Variants in RHOT1 observed in about 807,000 individuals in gnomAD.
RHOT1 encodes ras homolog family member T1, also known as mitochondrial Rho GTPase 1.
Under a neutral mutation model 95.3 loss-of-function variants are expected in RHOT1, and 27 were observed. The observed-to-expected ratio is 0.28, with a 90% CI of 0.21 to 0.39. The LOEUF (loss-of-function observed/expected upper bound fraction) is 0.39, where lower values mean the gene tolerates loss of function less well. RHOT1 is among the 10% of genes least tolerant of loss of function. RHOT1 has a pLI of 1.00. For synonymous variants in RHOT1, 227 were observed against 263.5 expected, an observed-to-expected ratio of 0.86 and a Z score of 1.34; for missense variants, 578 against 786.7, an observed-to-expected ratio of 0.73 and a Z score of 3.17.
At position 32,207,037 on chromosome 17, in the gene RHOT1, G is replaced by A. The variant is rs2037806872; in HGVS notation, c.1536+8G>A. 4 of 1,605,692 alleles carry A rather than the reference G, an allele frequency of 2.5e-6. No individual in the cohort carries two copies. In the African/African-American group the frequency reaches 5.4e-5, roughly 22 times the overall value. Reference sequence around the variant, plus strand: ...TGTGCCAGGATTTTTAAGGTTTGTTGCTCCTACAGACTATGACTGAATGTA... The same window carrying A: ...TGTGCCAGGATTTTTAAGGTTTGTTACTCCTACAGACTATGACTGAATGTA... On this transcript the variant is annotated splice_region_variant and intron_variant, in intron 17 of 19. Coordinates refer to ENST00000545287, the MANE Select transcript of RHOT1 (RefSeq NM_001033566.3).
intron 11 of RHOT1, among the ~76,000 whole-genome samples, chr17:32,197,412 T>G (rs1445139319): frequency 1.3e-5 from 2 of 149,762 alleles, no homozygotes; most frequent in African/African-American, 5.0e-5. Flanking sequence ...TTTTTCTTCT[T>G]TTTTCTTATT....
At chr17:32,221,040 T>C in intron 19 of RHOT1, 2 of 980,898 alleles carry the variant, frequency 2.0e-6, no homozygotes, top group Non-Finnish European at 2.4e-6. Flanking sequence ...TGCTTTTGAA[T>C]TGTGGAAGAA....
intron 11 of RHOT1, among the ~76,000 whole-genome samples, chr17:32,197,706 G>A (rs370567818): frequency 6.6e-6 from 1 of 152,144 alleles, no homozygotes; most frequent in East Asian, 1.9e-4. Context: ...GGGATTACAG[G>A]CGTGAGCCAC....
intron 12 of RHOT1, 62 bp downstream of exon 12, chr17:32,199,093 A>G: frequency 3.2e-6 from 4 of 1,262,954 alleles, no homozygotes; most frequent in Non-Finnish European, 4.6e-6. Flanking sequence ...GGATGATATA[A>G]CTCTGTTCCC....
chr17:32,201,175 A>G, intron 14 of RHOT1, 119 bp downstream of exon 14: 1 of 555,242 alleles, frequency 1.8e-6, no homozygotes, highest in Non-Finnish European at 3.1e-6. Context: ...ACACTCTATT[A>G]GTTTTCCTTG....
intron 1 of RHOT1, among the ~76,000 whole-genome samples, chr17:32,153,474 CATA>C (rs2032570636): frequency 6.6e-6 from 1 of 152,152 alleles, no homozygotes; most frequent in African/African-American, 2.4e-5. Flanking sequence ...GTCTGGGGAA[CATA>C]ATGAGAACCT....
chr17:32,217,462 A>T (rs1598471072), intron 19 of RHOT1, among the ~76,000 whole-genome samples: 1 of 152,156 alleles, frequency 6.6e-6, no homozygotes, highest in African/African-American at 2.4e-5. Flanking sequence ...TTAAAAGTAG[A>T]TACAGAAAAT....
intron 1 of RHOT1, among the ~76,000 whole-genome samples, chr17:32,162,478 C>G (rs1422091962): frequency 1.3e-5 from 2 of 152,122 alleles, no homozygotes; most frequent in Non-Finnish European, 2.9e-5. Context: ...TTTTAACTGC[C>G]TCAGTAGCGA....
chr17:32,150,912 C>A, intron 1 of RHOT1: 1 of 1,547,584 alleles, frequency 6.5e-7, no homozygotes, highest in Non-Finnish European at 8.8e-7. Context: ...GGGAGGTGGG[C>A]ACATTCTTCT....
At chr17:32,167,641 C>T (rs1381597145) in intron 1 of RHOT1, among the ~76,000 whole-genome samples, 2 of 152,190 alleles carry the variant, frequency 1.3e-5, no homozygotes, top group Admixed American at 1.3e-4. Flanking sequence ...CAGCAACCTG[C>T]ATTAGCCCCT....
intron 19 of RHOT1, among the ~76,000 whole-genome samples, chr17:32,212,221 T>C (rs1240358297): frequency 4.6e-5 from 7 of 152,250 alleles, no homozygotes; most frequent in African/African-American, 1.7e-4. Flanking sequence ...GACCATAGTT[T>C]GTATCCACCA....
chr17:32,148,786 A>C (rs1448915620), intron 1 of RHOT1, among the ~76,000 whole-genome samples: 1 of 152,232 alleles, frequency 6.6e-6, no homozygotes, highest in African/African-American at 2.4e-5. Flanking sequence ...TTATCAAGAA[A>C]AATAGCCAGT....
chr17:32,148,339 A>G (rs1267121880), intron 1 of RHOT1, among the ~76,000 whole-genome samples: 1 of 152,270 alleles, frequency 6.6e-6, no homozygotes, highest in Non-Finnish European at 1.5e-5. Context: ...AGCTGTCTTT[A>G]AATGCAGAGA....
At chr17:32,149,834 C>A (rs924252863) in intron 1 of RHOT1, among the ~76,000 whole-genome samples, 1 of 151,544 alleles carries the variant, frequency 6.6e-6, no homozygotes, top group African/African-American at 2.4e-5. Context: ...CTGTAACCTC[C>A]GCCTCCTGAG....
intron 6 of RHOT1, among the ~76,000 whole-genome samples, chr17:32,177,124 C>T (rs1038517027): frequency 6.6e-6 from 1 of 152,080 alleles, no homozygotes. Context: ...ATGGTTTTAA[C>T]TTTGTGATGA....
rs775262218 is a variant in RHOT1, at chr17:32,207,052, G to C, written c.1536+23G>C. On this transcript the variant is annotated intron_variant, in intron 17 of 19. Transcript: ENST00000545287. Reference sequence around the variant, plus strand: ...AAGGTTTGTTGCTCCTACAGACTATGACTGAATGTAACTTCATATGGACTT... The same window carrying C: ...AAGGTTTGTTGCTCCTACAGACTATCACTGAATGTAACTTCATATGGACTT... 9 of 1,585,530 alleles carry C rather than the reference G, an allele frequency of 5.7e-6. No homozygotes were observed. In the East Asian group the frequency reaches 1.8e-4, roughly 32 times the overall value.
At chr17:32,201,263 A>G (rs2037297287) in intron 14 of RHOT1, among the ~76,000 whole-genome samples, 1 of 152,206 alleles carries the variant, frequency 6.6e-6, no homozygotes, top group South Asian at 2.1e-4. Context: ...ACTTTGCTTC[A>G]AGTCTACTCC....
At chr17:32,207,116 A>G in intron 17 of RHOT1, 87 bp downstream of exon 17, 1 of 1,229,082 alleles carries the variant, frequency 8.1e-7, no homozygotes, top group Non-Finnish European at 1.1e-6. Context: ...AACCACAAAA[A>G]TGCAACAAAA....
intron 6 of RHOT1, among the ~76,000 whole-genome samples, chr17:32,178,643 G>A (rs574540709): frequency 3.9e-5 from 6 of 151,962 alleles, no homozygotes; most frequent in Admixed American, 6.5e-5. Context: ...ATCTCTGCCC[G>A]GCTGCCCATC....
Sources: gnomAD v4.1 joint callset for allele counts (sites outside exome capture counted in the v4.1 genomes callset) on GRCh38, gnomAD v4.1.1 for gene constraint, MANE v1.5 for transcripts, NCBI Gene and HGNC (gene_info 2026-07-23, HGNC 2026-07-21) for gene names.